ZFHX4: variants seen among roughly 807,000 people sequenced by gnomAD.
ZFHX4 encodes the protein zinc finger homeobox protein 4.
ZFHX4 carries 56 observed loss-of-function variants against 267.6 expected under a neutral mutation model. The observed-to-expected ratio is 0.21, with a 90% CI of 0.17 to 0.26. The LOEUF (loss-of-function observed/expected upper bound fraction) is 0.26. Ranked by LOEUF, ZFHX4 falls within the 10% of genes least tolerant of loss-of-function variation. ZFHX4 has a pLI of 1.00. For synonymous variants in ZFHX4, 1,778 were observed against 1,665.6 expected (o/e 1.07, Z -1.64); for missense variants, 4,332 against 4,420.0 (o/e 0.98, Z 0.56).
chr8:76,770,785 G>T (rs1810244045), intron 3 of ZFHX4, among the ~76,000 whole-genome samples: 1 of 152,106 alleles, frequency 6.6e-6, no homozygotes, highest in Non-Finnish European at 1.5e-5. Flanking sequence ...GTGAAGGGGG[G>T]AAGGTAAATT....
At chr8:76,819,616 G>T (rs1811593545) in intron 4 of ZFHX4, among the ~76,000 whole-genome samples, 1 of 152,134 alleles carries the variant, frequency 6.6e-6, no homozygotes, top group Admixed American at 6.6e-5. Flanking sequence ...GGTGAGACAG[G>T]ATCACCTCCA....
At chr8:76,835,247 A>ATATG (rs1554572203) in intron 5 of ZFHX4, among the ~76,000 whole-genome samples, 14 of 138,750 alleles carry the variant, frequency 1.0e-4, no homozygotes, top group East Asian at 6.1e-4. Flanking sequence ...ATATGTATAT[A>ATATG]TATATATATA....
chr8:76,718,374 T>G (rs1014358068), intron 3 of ZFHX4, among the ~76,000 whole-genome samples: 1 of 152,194 alleles, frequency 6.6e-6, no homozygotes, highest in African/African-American at 2.4e-5. Flanking sequence ...TCCTGTGATA[T>G]CTTTTGAGAA....
At chr8:76,830,477 T>G (rs1222843667) in intron 4 of ZFHX4, among the ~76,000 whole-genome samples, 1 of 152,244 alleles carries the variant, frequency 6.6e-6, no homozygotes, top group East Asian at 1.9e-4. Context: ...AGTGACATAT[T>G]GTAAGATGCT....
intron 1 of ZFHX4, among the ~76,000 whole-genome samples, chr8:76,683,538 C>T (rs1301753128): frequency 6.6e-6 from 1 of 150,756 alleles, no homozygotes; most frequent in East Asian, 2.0e-4. Context: ...CATTTCCTCT[C>T]CTTGAGTCTC....
rs1464323661 is a variant in ZFHX4 at position 76,865,358 on chromosome 8, T to C, written c.*793T>C. On this transcript the variant is annotated 3_prime_UTR_variant, in exon 11 of 11. Transcript: ENST00000651372. ...TTTTTTCTGAAAGAGGTAATAATTC[T>C]AGTTTTGATAGACTCTGAGGATTAT... 1 of 152,644 alleles carries C rather than the reference T, an allele frequency of 6.6e-6. No homozygotes were observed. Among genetic ancestry groups the C allele is most frequent in the Non-Finnish European group, 1.5e-5 (1 of 68,032 alleles). 9.5% of individuals were successfully genotyped at this position (152,644 alleles called of 1,614,324 possible). A position where few individuals can be genotyped will look rare whatever the true frequency, so the allele number is the denominator to read the frequency against.
intron 1 of ZFHX4, among the ~76,000 whole-genome samples, chr8:76,702,989 C>G (rs1002929917): frequency 6.6e-6 from 1 of 151,474 alleles, no homozygotes; most frequent in Non-Finnish European, 1.5e-5. Context: ...CACACACACA[C>G]AAACGAAGAG....
chr8:76,737,922 G>T (rs1238518912), intron 3 of ZFHX4, among the ~76,000 whole-genome samples: 1 of 152,110 alleles, frequency 6.6e-6, no homozygotes, highest in Non-Finnish European at 1.5e-5. Context: ...GCCCTGTGAG[G>T]TTAAATTCTT....
chr8:76,766,068 A>G (rs555007210), intron 3 of ZFHX4, among the ~76,000 whole-genome samples: 1 of 152,116 alleles, frequency 6.6e-6, no homozygotes, highest in East Asian at 1.9e-4. Context: ...CTACAACATA[A>G]GGAGTGTTAA....
Position 76,708,154 on chromosome 8 carries a change from A to G in ZFHX4, c.3093+106A>G, listed in dbSNP as rs749613824. 4 of 1,408,090 alleles carry G rather than the reference A, an allele frequency of 2.8e-6. No individual in the cohort carries two copies. The Admixed American group carries it at 7.1e-5, about 25-fold the overall frequency. 87.2% of individuals were successfully genotyped at this position (1,408,090 alleles called of 1,614,324 possible). A position where few individuals can be genotyped will look rare whatever the true frequency, so the allele number is the denominator to read the frequency against. ...ACTTAAGGAAAAAAAAAGAGAAAAA[A>G]CATCAAAGGGCAGGGGGCACAGTTT... is the stretch of plus-strand genomic sequence containing the variant. On this transcript the variant is annotated intron_variant, in intron 3 of 10. Coordinates refer to ENST00000651372, the MANE Select transcript of ZFHX4 (RefSeq NM_024721.5).
chr8:76,732,344 G>A (rs1328999442), intron 3 of ZFHX4, among the ~76,000 whole-genome samples: 3 of 151,934 alleles, frequency 2.0e-5, no homozygotes, highest in African/African-American at 7.3e-5. Flanking sequence ...CTTTTTAGAA[G>A]GGCAGTCTGT....
chr8:76,736,526 C>A (rs1809164911), intron 3 of ZFHX4, among the ~76,000 whole-genome samples: 1 of 151,968 alleles, frequency 6.6e-6, no homozygotes. Context: ...AAGAGCTATA[C>A]TAAGTAAGCA....
chr8:76,787,882 A>G (rs1288398828), intron 4 of ZFHX4, among the ~76,000 whole-genome samples: 4 of 151,852 alleles, frequency 2.6e-5, no homozygotes, highest in Non-Finnish European at 2.9e-5. Flanking sequence ...AATGATTAAT[A>G]ATGATGATGA....
At chr8:76,846,631 T>A (rs1812371845) in intron 6 of ZFHX4, among the ~76,000 whole-genome samples, 1 of 152,010 alleles carries the variant, frequency 6.6e-6, no homozygotes, top group Admixed American at 6.6e-5. Context: ...AAAATAAATA[T>A]ATTCTTAATA....
At chr8:76,694,377 A>G (rs772671305) in intron 1 of ZFHX4, among the ~76,000 whole-genome samples, 12 of 152,198 alleles carry the variant, frequency 7.9e-5, no homozygotes, top group Non-Finnish European at 1.2e-4. Context: ...AAAGAGATTT[A>G]GTAACATAGG....
intron 5 of ZFHX4, 130 bp downstream of exon 5, chr8:76,833,536 A>G: frequency 1.5e-6 from 1 of 646,826 alleles, no homozygotes; most frequent in Non-Finnish European, 2.6e-6. Context: ...CCTTATTCAA[A>G]TAAGTAAAAA....
Position 76,706,675 on chromosome 8 carries a change from C to T in ZFHX4, c.2587C>T (p.Leu863Phe), listed in dbSNP as rs777201431. The change falls in exon 2 of 11, where the codon CTC (leucine) becomes TTC (phenylalanine). Residue 863 changes from leucine to phenylalanine, a missense_variant. Physicochemically the swap from Leu to Phe is conservative, Grantham distance 22 (BLOSUM62 0). Transcript: ENST00000651372. Reference sequence around the variant, plus strand: ...GACAGCAGCGGCTTTGGCACCAGGGCTCGGTTAGTATTTCCTGCTTTTCTG... The same window carrying T: ...GACAGCAGCGGCTTTGGCACCAGGGTTCGGTTAGTATTTCCTGCTTTTCTG... Reference protein sequence around the residue: ...PATAAALAPGLVNNELPPEIR... With the variant: ...PATAAALAPGFVNNELPPEIR... 8 of 1,574,010 alleles carry T rather than the reference C, an allele frequency of 5.1e-6. No individual in the cohort carries two copies. Among genetic ancestry groups the T allele is most frequent in the African/African-American group, 2.7e-5 (2 of 73,448 alleles).
intron 3 of ZFHX4, among the ~76,000 whole-genome samples, chr8:76,765,024 C>T (rs1242832959): frequency 2.6e-5 from 4 of 152,184 alleles, no homozygotes; most frequent in South Asian, 4.1e-4. Context: ...ATCTCAGAGG[C>T]CAGTTTTCAA....
At chr8:76,847,039 A>G (rs1171241250) in intron 6 of ZFHX4, among the ~76,000 whole-genome samples, 1 of 152,176 alleles carries the variant, frequency 6.6e-6, no homozygotes, top group African/African-American at 2.4e-5. Context: ...GTGGGGGAAC[A>G]TTTAAAGAAA....
Sources: allele counts gnomAD v4.1 joint callset (sites outside exome capture counted in the v4.1 genomes callset), GRCh38; gene constraint gnomAD v4.1.1; transcripts MANE v1.5; gene names NCBI Gene and HGNC (gene_info 2026-07-23, HGNC 2026-07-21).